HUWE1: variants seen among roughly 807,000 people sequenced by gnomAD.
HUWE1 encodes the protein E3 ubiquitin-protein ligase HUWE1.
A neutral mutation model predicts 299.4 loss-of-function variants in HUWE1; 18 were observed. The observed-to-expected ratio is 0.06, with a 90% CI of 0.04 to 0.09. The LOEUF is 0.09. HUWE1 is among the 10% of genes least tolerant of loss of function. The pLI is 1.00. For synonymous variants in HUWE1, 1,317 were observed against 1,286.1 expected (o/e 1.02, Z -0.51); for missense variants, 1,832 against 3,462.3 (o/e 0.53, Z 11.82).
chrX:53,653,953 T>C, intron 4 of HUWE1, 110 bp downstream of exon 4: 1 of 556,757 alleles, frequency 1.8e-6, no homozygotes, highest in Non-Finnish European at 3.0e-6. Flanking sequence ...TTTTACTGCC[T>C]TTTGTATATA....
chrX:53,542,845 T>TTGTGTGTGTGTG (rs57187405), intron 73 of HUWE1: 214 of 164,036 alleles, frequency 1.3e-3, no homozygotes, highest in Non-Finnish European at 1.7e-3. Flanking sequence ...TCTTCTTCTG[T>TTGTGTGTGTGTG]TGTGTGTGTG....
chrX:53,682,552 C>A (rs781879527), intron 2 of HUWE1, among the ~76,000 whole-genome samples: 2 of 110,959 alleles, frequency 1.8e-5, no homozygotes, highest in African/African-American at 3.3e-5. Flanking sequence ...GGGGGCAGGA[C>A]AATCAATGCT....
chrX:53,627,994 G>A lies in HUWE1; in HGVS notation c.1243-115C>T, dbSNP rs2066628272. On this transcript the variant is annotated intron_variant, in intron 15 of 83. Transcript: ENST00000262854. Reference sequence around the variant, plus strand: ...CCTCAGTAAGGCAGCACAGTATGGGGGAAAACATGTGTTTTATTTTTGGTG... The same window carrying A: ...CCTCAGTAAGGCAGCACAGTATGGGAGAAAACATGTGTTTTATTTTTGGTG... 6.2e-6 allele frequency: 4 copies of A among 641,345 alleles called. No individual in the cohort carries two copies. The East Asian group carries it at 1.4e-4, about 23-fold the overall frequency. The allele number at this position is 641,345 out of a possible 1,213,427, so 52.9% of individuals were successfully genotyped here.
rs1226858787 is a variant in HUWE1 at position 53,602,782 on chromosome X, T to TA, written c.2877-125dup. ...ACTATCCCTCCTATAGCAGGCAGGT[T>TA]AAACTGAATGTAATAAAGCATCTAT... On this transcript the variant is annotated intron_variant, in intron 27 of 83. Coordinates refer to ENST00000262854, the MANE Select transcript of HUWE1 (RefSeq NM_031407.7). The TA allele has an allele frequency of 9.9e-6, 4 of 402,104 alleles. 1 individual carries two copies. In the East Asian group the frequency reaches 1.6e-4, roughly 16 times the overall value. The allele number at this position is 402,104 out of a possible 1,213,427, so 33.1% of individuals were successfully genotyped here. A position where few individuals can be genotyped will look rare whatever the true frequency, so the allele number is the denominator to read the frequency against.
At chrX:53,564,937 C>T (rs1365608507) in intron 50 of HUWE1, 130 bp downstream of exon 50, 15 of 831,293 alleles carry the variant, frequency 1.8e-5, no homozygotes, top group East Asian at 6.3e-5. Flanking sequence ...CAGATTCCCA[C>T]GCCACTATGA....
At chrX:53,587,862 T>A (rs1435146867) in intron 37 of HUWE1, among the ~76,000 whole-genome samples, 2 of 111,746 alleles carry the variant, frequency 1.8e-5, no homozygotes, top group Non-Finnish European at 3.8e-5. Context: ...TTGGATCAGG[T>A]CTTGCCCAAA....
Position 53,547,975 on chromosome X carries a change from C to T in HUWE1, c.10334G>A (p.Arg3445Gln), listed in dbSNP as rs1279314105. Residue 3445 changes from arginine (R) to glutamine (Q), a missense_variant, in exon 68 of 84, where the codon CGG (arginine) becomes CAG (glutamine). By Grantham distance (43) the Arg-to-Gln change is conservative (BLOSUM62 1). Around this residue, in one of 15 missense-constraint regions of HUWE1, gnomAD observed 119 missense variants for 124.6 expected, o/e 0.96. Coordinates refer to ENST00000262854, the MANE Select transcript of HUWE1 (RefSeq NM_031407.7). ...GAGTTTCTCAGTTAAGAGAGAGCTC[C>T]GGCGGATGACTGGGTGTGACAACAT... is the stretch of plus-strand genomic sequence containing the variant. The part of the protein sequence containing the change: ...MNMLSHPVIR[R>Q]SSLLTEKLLR... 3 of 1,209,033 alleles carry T rather than the reference C, an allele frequency of 2.5e-6. No individual in the cohort carries two copies. The highest frequency in any genetic ancestry group is 1.1e-6 in the Non-Finnish European group (1 of 894,772).
At chrX:53,681,369 G>A (rs1282628753) in intron 2 of HUWE1, among the ~76,000 whole-genome samples, 1 of 107,190 alleles carries the variant, frequency 9.3e-6, no homozygotes, top group Non-Finnish European at 1.9e-5. Context: ...AGGAGGCGGA[G>A]GTTGCAGTGA....
At chrX:53,586,140 T>C (rs2063847594) in intron 39 of HUWE1, among the ~76,000 whole-genome samples, 2 of 112,366 alleles carry the variant, frequency 1.8e-5, no homozygotes, top group African/African-American at 3.2e-5. Flanking sequence ...AAAAGGGGAA[T>C]GTTCACCTGA....
rs368864810 is a variant in HUWE1 at position 53,608,977 on chromosome X, A to C, written c.2262-68T>G. 1.2e-3 allele frequency: 770 copies of C among 642,220 alleles called. 3 individuals carry two copies. The highest frequency in any genetic ancestry group is 8.1e-3 in the African/African-American group (373 of 46,183). The allele number at this position is 642,220 out of a possible 1,213,427, so 52.9% of individuals were successfully genotyped here. On this transcript the variant is annotated intron_variant, in intron 23 of 83. Transcript: ENST00000262854. ...ACCAATATTAAGAGAACAGAGGAGG[A>C]GGCACTGTATAAAATTCTAGGCCTT...
chrX:53,559,403 C>T lies in HUWE1; in HGVS notation c.7866G>A (p.Glu2622=), dbSNP rs1556938689. The change falls in exon 57 of 84, where the codon GAG becomes GAA. Residue 2622 remains glutamate, a synonymous_variant. Transcript: ENST00000262854. ...GATCATGGAAAAAGTCATCCAGCAG[C>T]TCATCATCAGAACGGGCGATGATGT... The part of the protein sequence containing the change: ...DVHIIARSDD[E]LLDDFFHDQS... 2.5e-6 allele frequency: 3 copies of T among 1,211,668 alleles called. No homozygotes were observed. The highest frequency in any genetic ancestry group is 4.3e-5 in the Admixed American group (2 of 46,071).
chrX:53,684,266 G>C (rs1425943758), intron 2 of HUWE1: 1 of 155,898 alleles, frequency 6.4e-6, no homozygotes, highest in Non-Finnish European at 1.2e-5. Flanking sequence ...GCAGGATGCC[G>C]CCCGCGCCTC....
rs1556926625 is a variant in HUWE1, at chrX:53,549,462, G to A, written c.9532C>T (p.Arg3178Trp). 1 of 1,210,398 alleles carries A rather than the reference G, an allele frequency of 8.3e-7. No individual in the cohort carries two copies. Among genetic ancestry groups the A allele is most frequent in the Non-Finnish European group, 1.1e-6 (1 of 895,184 alleles). Residue 3178 changes from arginine to tryptophan, a missense_variant, in exon 67 of 84, where the codon CGG (arginine) becomes TGG (tryptophan). Physicochemically the swap from Arg to Trp is moderately radical, Grantham distance 101. Around this residue, in one of 15 missense-constraint regions of HUWE1, gnomAD observed 91 missense variants for 281.2 expected, o/e 0.32. Coordinates refer to ENST00000262854, the MANE Select transcript of HUWE1 (RefSeq NM_031407.7). Reference protein sequence around the residue: ...NVDTLLRLRGRLLLDHEALSC... With the variant: ...NVDTLLRLRGWLLLDHEALSC... The stretch of plus-strand genomic sequence containing the variant: ...AGGGCTTCGTGGTCCAGAAGGAGCC[G>A]TCCTCGGAGGCGGAGGAGAGTATCT...
In HUWE1 at chrX:53,548,009, G is replaced by C; in HGVS notation, c.10300C>G (p.Leu3434Val). The C allele has an allele frequency of 8.3e-7, 1 of 1,211,715 alleles. No homozygotes were observed. Among genetic ancestry groups the C allele is most frequent in the African/African-American group, 1.7e-5 (1 of 57,843 alleles). The change falls in exon 68 of 84, where the codon CTC becomes GTC. Residue 3434 changes from leucine to valine, a missense_variant. By Grantham distance (32) the Leu-to-Val change is conservative. Transcript: ENST00000262854. ...ACTGGGTGTGACAACATGTTCATGA[G>C]CTGCCCCAGTGGAGAGGCCTCGAGG... ...YSLEASPLGQ[L>V]MNMLSHPVIR...
At chrX:53,683,364 C>A (rs1973678381) in intron 2 of HUWE1, among the ~76,000 whole-genome samples, 1 of 111,218 alleles carries the variant, frequency 9.0e-6, no homozygotes, top group African/African-American at 3.3e-5. Context: ...GCGAAGATGA[C>A]CCCACCTCGA....
chrX:53,648,058 G>A lies in HUWE1; in HGVS notation c.144+154C>T, dbSNP rs1440316061. 3.6e-5 allele frequency among the ~76,000 whole-genome samples: 4 copies of A among 112,152 alleles called. No homozygotes were observed. The East Asian group carries it at 1.1e-3, about 31-fold the overall frequency. On this transcript the variant is annotated intron_variant, in intron 5 of 83. Coordinates refer to ENST00000262854, the MANE Select transcript of HUWE1 (RefSeq NM_031407.7). Reference sequence around the variant, plus strand: ...AGCCAGCAAAATTTTCCTTGCCACTGGTTTAAAGCTGTGTTAGGCACATGG... The same window carrying A: ...AGCCAGCAAAATTTTCCTTGCCACTAGTTTAAAGCTGTGTTAGGCACATGG...
At chrX:53,635,039 A>T (rs1394523241) in intron 7 of HUWE1, among the ~76,000 whole-genome samples, 1 of 111,184 alleles carries the variant, frequency 9.0e-6, no homozygotes, top group Non-Finnish European at 1.9e-5. Flanking sequence ...TACATAAAAT[A>T]TGTATTTATA....
chrX:53,556,604 C>T (rs1046255452), intron 60 of HUWE1, among the ~76,000 whole-genome samples: 1 of 111,434 alleles, frequency 9.0e-6, no homozygotes, highest in African/African-American at 3.3e-5. Flanking sequence ...TGGCTACTGA[C>T]CATTGTTAAG....
intron 6 of HUWE1, among the ~76,000 whole-genome samples, chrX:53,646,781 C>T (rs1484000823): frequency 6.3e-5 from 7 of 111,831 alleles, no homozygotes; most frequent in African/African-American, 2.3e-4. Flanking sequence ...TAACAGGGCA[C>T]CTAACTAATG....
Sources: allele counts gnomAD v4.1 joint callset (sites outside exome capture counted in the v4.1 genomes callset), GRCh38; gene constraint gnomAD v4.1.1; regional missense constraint gnomAD v4.1.1; transcripts MANE v1.5; gene names NCBI Gene and HGNC (gene_info 2026-07-23, HGNC 2026-07-21).